The following HIVEP1 variants were observed in gnomAD, a reference collection of about 807,000 sequenced individuals.
The protein encoded by HIVEP1 is HIVEP zinc finger 1.
A neutral mutation model predicts 180.0 loss-of-function variants in HIVEP1; 36 were observed. That is an observed-to-expected ratio of 0.20 (90% CI 0.15 to 0.26). HIVEP1 has a LOEUF of 0.26. Among genes scored for constraint, HIVEP1 ranks in the 10% least tolerant of loss-of-function variants. The pLI is 1.00. For synonymous variants in HIVEP1, 1,239 were observed against 1,239.0 expected (o/e 1.00, Z 0.00); for missense variants, 3,143 against 3,268.7 (o/e 0.96, Z 0.94).
At chr6:12,017,001 CTGGCAGCTAA>C (rs1767807701) in intron 2 of HIVEP1, among the ~76,000 whole-genome samples, 1 of 152,208 alleles carries the variant, frequency 6.6e-6, no homozygotes, top group African/African-American at 2.4e-5. Context: ...AGCACAGTTC[CTGGCAGCTAA>C]TGGCAGCCCA....
chr6:12,131,040 C>T (rs1758390269), intron 6 of HIVEP1, 98 bp downstream of exon 6: 5 of 711,378 alleles, frequency 7.0e-6, no homozygotes, highest in Non-Finnish European at 1.2e-5. Context: ...GAAATAGCAG[C>T]TTAAATAGAC....
chr6:12,041,054 G>A (rs964986825), intron 2 of HIVEP1, among the ~76,000 whole-genome samples: 1 of 152,098 alleles, frequency 6.6e-6, no homozygotes, highest in Non-Finnish European at 1.5e-5. Context: ...ACTATCAGTC[G>A]GTCTGTTTGT....
At chr6:12,190,362 G>T in the HIVEP1 span, among the ~76,000 whole-genome samples, 1 of 152,186 alleles carries the variant, frequency 6.6e-6, no homozygotes, top group Non-Finnish European at 1.5e-5. Context: ...CAGAGGTTCA[G>T]GCCCTCCTTG....
intron 2 of HIVEP1, among the ~76,000 whole-genome samples, chr6:12,017,005 C>T (rs1767808360): frequency 1.3e-5 from 2 of 152,186 alleles, no homozygotes; most frequent in African/African-American, 2.4e-5. Flanking sequence ...CAGTTCCTGG[C>T]AGCTAATGGC....
intron 7 of HIVEP1, among the ~76,000 whole-genome samples, chr6:12,144,849 A>G (rs1013430634): frequency 1.3e-5 from 2 of 152,248 alleles, no homozygotes; most frequent in South Asian, 2.1e-4. Flanking sequence ...TAGAATGGCG[A>G]TCATTAAAAA....
the HIVEP1 span, among the ~76,000 whole-genome samples, chr6:12,170,002 T>A: frequency 6.6e-6 from 1 of 151,906 alleles, no homozygotes; most frequent in Non-Finnish European, 1.5e-5. Context: ...GCACCTGTAG[T>A]CCCAGCTACT....
At chr6:12,067,830 T>G (rs1429023317) in intron 2 of HIVEP1, among the ~76,000 whole-genome samples, 2 of 152,152 alleles carry the variant, frequency 1.3e-5, no homozygotes, top group Admixed American at 1.3e-4. Flanking sequence ...TGGCCCCCAA[T>G]GTAGTCTTGA....
chr6:12,172,202 C>T, the HIVEP1 span, among the ~76,000 whole-genome samples: 29 of 152,250 alleles, frequency 1.9e-4, no homozygotes, highest in African/African-American at 6.7e-4. Flanking sequence ...AATTACTTTG[C>T]TTTTGTTCTC....
At chr6:12,080,530 A>G (rs9349095) in intron 2 of HIVEP1, among the ~76,000 whole-genome samples, 7,663 of 152,222 alleles carry the variant, frequency 0.05, 205 homozygotes, top group South Asian at 0.1. Flanking sequence ...AGTGTAACAC[A>G]TTTGTTGTGT....
intron 2 of HIVEP1, among the ~76,000 whole-genome samples, chr6:12,044,978 T>C (rs574674318): frequency 5.9e-5 from 9 of 152,358 alleles, no homozygotes; most frequent in African/African-American, 1.9e-4. Context: ...TCAATAGAGC[T>C]AAGTCAAATT....
rs143438770 is a variant in HIVEP1, at chr6:12,112,501, G to T, written c.95-7389G>T. ...TATGGTTTGTTGTTTTCATTATTTG[G>T]GGAAAATTCTTGGCCATTATTTTTT... On this transcript the variant is annotated intron_variant, in intron 3 of 8. Coordinates refer to ENST00000379388, the MANE Select transcript of HIVEP1 (RefSeq NM_002114.4). Among the ~76,000 whole-genome samples the T allele has an allele frequency of 4.6e-5, 7 of 151,850 alleles. No individual in the cohort carries two copies. In the East Asian group the frequency reaches 1.4e-3, roughly 29 times the overall value.
the HIVEP1 span, among the ~76,000 whole-genome samples, chr6:12,173,302 C>T: frequency 6.6e-6 from 1 of 151,962 alleles, no homozygotes; most frequent in Non-Finnish European, 1.5e-5. Flanking sequence ...AGAAATATTT[C>T]CAAAAAGAAA....
rs1169898912 is a variant in HIVEP1, at chr6:12,125,704, T to C, written c.5909T>C (p.Val1970Ala). ...ACTTCAGCCTATACTGATTGGACAGTAAGCGCCAGTAATCCAAATCCACTC... is the reference window on the plus strand; with the variant it reads ...ACTTCAGCCTATACTGATTGGACAGCAAGCGCCAGTAATCCAAATCCACTC... ...QKTSAYTDWT[V>A]SASNPNPLGL... The change falls in exon 4 of 9, where the codon GTA (valine) becomes GCA (alanine). Residue 1970 changes from valine (V) to alanine (A), a missense_variant. Val to Ala is a moderately conservative substitution (Grantham distance 64). Around this residue, in one of 12 missense-constraint regions of HIVEP1, gnomAD observed 1,357 missense variants for 1,260.5 expected, o/e 1.08. Transcript: ENST00000379388. The C allele has an allele frequency of 6.2e-7, 1 of 1,614,226 alleles. No homozygotes were observed. Among genetic ancestry groups the C allele is most frequent in the Non-Finnish European group, 8.5e-7 (1 of 1,180,052 alleles).
At chr6:12,017,054 T>G (rs752347767) in intron 2 of HIVEP1, among the ~76,000 whole-genome samples, 3 of 152,226 alleles carry the variant, frequency 2.0e-5, no homozygotes, top group Non-Finnish European at 4.4e-5. Context: ...GCATGATTGA[T>G]CTGAAGGTGT....
rs181568074 is a variant in HIVEP1 at position 12,056,375 on chromosome 6, T to G, written c.41-32809T>G. Among the ~76,000 whole-genome samples, 23 of 152,350 alleles carry G rather than the reference T, an allele frequency of 1.5e-4. No homozygotes were observed. The East Asian group carries it at 4.4e-3, about 29-fold the overall frequency. The stretch of plus-strand genomic sequence containing the variant: ...ATTAATAATAATAATCTGTGTTTCC[T>G]TCAGTCGAATTCATAGCAGTTAATG... On this transcript the variant is annotated intron_variant, in intron 2 of 8. Coordinates refer to ENST00000379388, the MANE Select transcript of HIVEP1 (RefSeq NM_002114.4).
intron 2 of HIVEP1, among the ~76,000 whole-genome samples, chr6:12,080,401 A>C (rs1268013375): frequency 6.6e-6 from 1 of 152,170 alleles, no homozygotes; most frequent in Non-Finnish European, 1.5e-5. Context: ...TTAAAAGTGC[A>C]GTTTAAGGGT....
chr6:12,015,591 GTTT>G lies in HIVEP1; in HGVS notation c.-35_-33del, dbSNP rs769429452. 80 of 1,596,968 alleles carry G rather than the reference GTTT, an allele frequency of 5.0e-5. 1 individual carries two copies. In the Middle Eastern group the frequency reaches 1.0e-3, roughly 20 times the overall value. ...CTTTTGGTGGCTTGCTTTATCTGCA[GTTT>G]TTAAGAAGAAAAAGAAGGCCCTGAG... is the stretch of plus-strand genomic sequence containing the variant. On this transcript the variant is annotated 5_prime_UTR_variant, in exon 2 of 9. The change creates a premature stop within an existing upstream ORF in the 5' untranslated region. Coordinates refer to ENST00000379388, the MANE Select transcript of HIVEP1 (RefSeq NM_002114.4).
chr6:12,186,432 T>C, the HIVEP1 span, among the ~76,000 whole-genome samples: 1 of 151,732 alleles, frequency 6.6e-6, no homozygotes, highest in South Asian at 2.1e-4. Context: ...AAGATAAGAA[T>C]TGAAATTGAC....
In HIVEP1 at chr6:12,032,051, G is replaced by GTGATGAT. The variant is rs528311935; in HGVS notation, c.40+16386_40+16392dup. Among the ~76,000 whole-genome samples, 226 of 151,810 alleles carry GTGATGAT rather than the reference G, an allele frequency of 1.5e-3. 1 individual carries two copies. Among genetic ancestry groups the GTGATGAT allele is most frequent in the African/African-American group, 5.0e-3 (207 of 41,358 alleles). On this transcript the variant is annotated intron_variant, in intron 2 of 8. Coordinates refer to ENST00000379388, the MANE Select transcript of HIVEP1 (RefSeq NM_002114.4). ...ATGCTTTTTAAAAGATACAAATAGTGTGATGATTGTGTTTTTAAAATACTG... is the reference window on the plus strand; with the variant it reads ...ATGCTTTTTAAAAGATACAAATAGTGTGATGATTGATGATTGTGTTTTTAAAATACTG...
Sources: gnomAD v4.1 joint callset for allele counts (sites outside exome capture counted in the v4.1 genomes callset) on GRCh38, gnomAD v4.1.1 for gene constraint, gnomAD v4.1.1 regional missense constraint, MANE v1.5 for transcripts, NCBI Gene and HGNC (gene_info 2026-07-23, HGNC 2026-07-21) for gene names.